Variants in DISC1 observed in about 807,000 individuals in gnomAD.
DISC1 encodes DISC1 scaffold protein, also known as disrupted in schizophrenia 1 protein.
In DISC1, 57 loss-of-function variants were observed where a neutral mutation model predicts 84.5. The observed-to-expected ratio is 0.67, with a 90% CI of 0.55 to 0.84. The LOEUF (loss-of-function observed/expected upper bound fraction) is 0.84, where lower values mean the gene tolerates loss of function less well. DISC1 is among the 40% of genes least tolerant of loss of function. The probability of loss-of-function intolerance (pLI) is 0.00; values close to 1 mark genes in which losing one functional copy is unlikely to be tolerated. For synonymous variants in DISC1, 411 were observed against 415.2 expected (o/e 0.99, Z 0.12); for missense variants, 1,000 against 1,057.8 (o/e 0.95, Z 0.76).
chr1:231,758,450 C>T (rs1384685843), intron 4 of DISC1, among the ~76,000 whole-genome samples: 3 of 151,970 alleles, frequency 2.0e-5, no homozygotes, highest in Middle Eastern at 3.2e-3. Context: ...GAGAAAAACG[C>T]GTCTCTCATG....
In DISC1 at chr1:231,826,995, C is replaced by CT. The variant is rs879833455; in HGVS notation, c.1981+8489dup. Among the ~76,000 whole-genome samples the CT allele has an allele frequency of 6.0e-3, 884 of 148,256 alleles. 6 individuals carry two copies. Among genetic ancestry groups the CT allele is most frequent in the Middle Eastern group, 0.028 (8 of 282 alleles). Reference sequence around the variant, plus strand: ...TTTGAACTTTAGTTAAATAAAACAACTTTTTTTTTTTGAGACAGAGTCTCA... The same window carrying CT: ...TTTGAACTTTAGTTAAATAAAACAACTTTTTTTTTTTTGAGACAGAGTCTCA... On this transcript the variant is annotated intron_variant, in intron 9 of 12. Transcript: ENST00000439617. This position sits in a 1 kb window ranked among gnomAD's most constrained non-coding sequence, Gnocchi z 4.2.
chr1:231,839,933 G>A (rs758975968), intron 9 of DISC1, among the ~76,000 whole-genome samples: 3 of 152,046 alleles, frequency 2.0e-5, no homozygotes, highest in South Asian at 2.1e-4. Context: ...TAAGGGACTC[G>A]CCCCCATGAC....
chr1:231,962,062 A>G (rs1303773097), intron 10 of DISC1, among the ~76,000 whole-genome samples: 1 of 152,154 alleles, frequency 6.6e-6, no homozygotes, highest in Admixed American at 6.5e-5. Flanking sequence ...GCTTTTTAAT[A>G]ATAGCCATTC....
intron 10 of DISC1, among the ~76,000 whole-genome samples, chr1:231,962,393 A>T (rs1327883636): frequency 6.6e-6 from 1 of 152,150 alleles, no homozygotes; most frequent in African/African-American, 2.4e-5. Context: ...ATTAGGTCCC[A>T]CTTGTCAATT....
chr1:231,733,222 G>T (rs1383679561), intron 3 of DISC1, among the ~76,000 whole-genome samples: 1 of 150,460 alleles, frequency 6.6e-6, no homozygotes, highest in Non-Finnish European at 1.5e-5. Flanking sequence ...TAGGAGTGTT[G>T]TTGGTGATGG....
chr1:231,900,307 G>A (rs2088061143), intron 9 of DISC1, among the ~76,000 whole-genome samples: 1 of 152,232 alleles, frequency 6.6e-6, no homozygotes, highest in South Asian at 2.1e-4. Context: ...TACCACTGCG[G>A]TGGAGCTTTA....
chr1:231,922,158 G>T (rs1050060868), intron 9 of DISC1, among the ~76,000 whole-genome samples: 2 of 152,068 alleles, frequency 1.3e-5, no homozygotes, highest in African/African-American at 4.8e-5. Context: ...TTCCTCATCC[G>T]TGACTAAAGA....
At chr1:231,732,295 C>T (rs1373794219) in intron 3 of DISC1, among the ~76,000 whole-genome samples, 1 of 152,046 alleles carries the variant, frequency 6.6e-6, no homozygotes, top group African/African-American at 2.4e-5. Flanking sequence ...ACCTTGTGTC[C>T]AGTGTATTGA....
intron 9 of DISC1, among the ~76,000 whole-genome samples, chr1:231,925,152 T>C (rs2126090411): frequency 6.6e-6 from 1 of 152,198 alleles, no homozygotes; most frequent in South Asian, 2.1e-4. Flanking sequence ...TATCCTCTTC[T>C]TGCTAAATCA....
chr1:231,967,569 A>G (rs1046051019), intron 10 of DISC1, among the ~76,000 whole-genome samples: 3 of 152,240 alleles, frequency 2.0e-5, no homozygotes, highest in Non-Finnish European at 4.4e-5. Context: ...ATGTTCTAAT[A>G]TTAAACCATA....
intron 9 of DISC1, among the ~76,000 whole-genome samples, chr1:231,914,814 C>A (rs907040523): frequency 3.3e-5 from 5 of 152,150 alleles, no homozygotes; most frequent in African/African-American, 9.7e-5. Context: ...AAGATGTGAT[C>A]AATATGTATT....
intron 3 of DISC1, among the ~76,000 whole-genome samples, chr1:231,735,628 G>A (rs893170585): frequency 6.6e-6 from 1 of 152,098 alleles, no homozygotes; most frequent in Non-Finnish European, 1.5e-5. Flanking sequence ...AAATTTTCTC[G>A]AACTTTCTAT....
At chr1:231,875,416 C>T (rs200187738) in intron 9 of DISC1, among the ~76,000 whole-genome samples, 4 of 152,234 alleles carry the variant, frequency 2.6e-5, no homozygotes, top group South Asian at 2.1e-4. Context: ...GCTGCCTGGG[C>T]GCTCTGGCAA....
At chr1:231,684,061 C>T (rs1301106327) in intron 1 of DISC1, among the ~76,000 whole-genome samples, 1 of 152,104 alleles carries the variant, frequency 6.6e-6, no homozygotes, top group Admixed American at 6.5e-5. Context: ...TCTGCATCTG[C>T]TTGTTGACAT....
chr1:231,834,921 A>T (rs1298819926), intron 9 of DISC1, among the ~76,000 whole-genome samples: 1 of 152,228 alleles, frequency 6.6e-6, no homozygotes, highest in Non-Finnish European at 1.5e-5. Context: ...CGAGTCCGTG[A>T]ACAGCGCCAG....
At chr1:231,884,712 A>C (rs2086557929) in intron 9 of DISC1, among the ~76,000 whole-genome samples, 1 of 152,082 alleles carries the variant, frequency 6.6e-6, no homozygotes, top group Non-Finnish European at 1.5e-5. Flanking sequence ...CTGGGTGATG[A>C]AATAACCTCT....
chr1:231,684,867 G>C (rs1478286982), intron 1 of DISC1: 1 of 152,236 alleles, frequency 6.6e-6, no homozygotes, highest in Non-Finnish European at 1.5e-5. Flanking sequence ...CAGGAAAACA[G>C]CGACAGAGCT....
At chr1:231,867,113 A>G (rs1460246007) in intron 9 of DISC1, among the ~76,000 whole-genome samples, 1 of 152,164 alleles carries the variant, frequency 6.6e-6, no homozygotes, top group Non-Finnish European at 1.5e-5. Flanking sequence ...TGGGGTGCGC[A>G]TGCCTCCTTA....
chr1:231,803,457 C>T (rs940311675), intron 8 of DISC1, among the ~76,000 whole-genome samples: 24 of 152,086 alleles, frequency 1.6e-4, no homozygotes, highest in Non-Finnish European at 2.8e-4. Context: ...CTCATAAGGT[C>T]GCTGTTAAGA....
Sources: gnomAD v4.1 joint callset for allele counts (sites outside exome capture counted in the v4.1 genomes callset) on GRCh38, gnomAD v4.1.1 for gene constraint, Gnocchi (gnomAD v3.1) non-coding constraint, MANE v1.5 for transcripts, NCBI Gene and HGNC (gene_info 2026-07-23, HGNC 2026-07-21) for gene names.